Variants in CTNND2 observed in about 807,000 individuals in gnomAD.
The protein encoded by CTNND2 is catenin delta-2.
CTNND2 carries 22 observed loss-of-function variants against 144.4 expected under a neutral mutation model. That is an observed-to-expected ratio of 0.15 (90% CI 0.11 to 0.22). CTNND2 has a LOEUF of 0.22. Among genes scored for constraint, CTNND2 ranks in the 10% least tolerant of loss-of-function variants. The pLI is 1.00. For missense variants in CTNND2, 1,353 were observed against 1,618.8 expected (o/e 0.84, Z 2.82); for synonymous variants, 751 against 695.6 (o/e 1.08, Z -1.25).
chr5:11,150,468 C>G (rs569251813), intron 12 of CTNND2, among the ~76,000 whole-genome samples: 1 of 152,154 alleles, frequency 6.6e-6, no homozygotes, highest in Admixed American at 6.5e-5. Context: ...TTCAAATATT[C>G]TTGGTTAATT....
At chr5:11,836,170 C>G (rs1252396804) in intron 1 of CTNND2, among the ~76,000 whole-genome samples, 2 of 152,086 alleles carry the variant, frequency 1.3e-5, no homozygotes, top group African/African-American at 4.8e-5. Flanking sequence ...GTTGGTTGGG[C>G]CACGTCAAGA....
chr5:10,987,681 CCA>C, intron 20 of CTNND2, among the ~76,000 whole-genome samples: 1 of 132,692 alleles, frequency 7.5e-6, no homozygotes, highest in East Asian at 2.4e-4. Flanking sequence ...CCTCCCCTCC[CCA>C]CTCTATTCCC....
intron 2 of CTNND2, among the ~76,000 whole-genome samples, chr5:11,575,680 CGACTT>C (rs1777920662): frequency 6.6e-6 from 1 of 152,138 alleles, no homozygotes; most frequent in African/African-American, 2.4e-5. Flanking sequence ...ATCATGTACT[CGACTT>C]GACCTGGTAA....
chr5:11,860,973 T>C (rs1223966805), intron 1 of CTNND2, among the ~76,000 whole-genome samples: 1 of 152,240 alleles, frequency 6.6e-6, no homozygotes, highest in Non-Finnish European at 1.5e-5. Flanking sequence ...AATCTTTCTA[T>C]GGTAAGTATT....
chr5:11,359,812 G>A (rs771820791), intron 8 of CTNND2, among the ~76,000 whole-genome samples: 1 of 152,202 alleles, frequency 6.6e-6, no homozygotes, highest in Non-Finnish European at 1.5e-5. Flanking sequence ...GGAGGATGGA[G>A]AACCCCTTTA....
chr5:11,666,108 A>G (rs1783558418), intron 2 of CTNND2, among the ~76,000 whole-genome samples: 1 of 152,320 alleles, frequency 6.6e-6, no homozygotes, highest in Admixed American at 6.5e-5. Context: ...CCCCAAACCT[A>G]ACATTCAGTG....
intron 14 of CTNND2, among the ~76,000 whole-genome samples, chr5:11,105,951 C>T (rs182745676): frequency 1.3e-4 from 20 of 151,990 alleles, no homozygotes; most frequent in Admixed American, 1.2e-3. Context: ...TGATATTAAG[C>T]GGCAAAAGAA....
intron 16 of CTNND2, among the ~76,000 whole-genome samples, chr5:11,028,945 G>T (rs1743160240): frequency 6.6e-6 from 1 of 152,226 alleles, no homozygotes; most frequent in South Asian, 2.1e-4. Context: ...CTGGCCTCAA[G>T]TGATCTGCCC....
chr5:11,823,555 A>G (rs1275136104), intron 1 of CTNND2, among the ~76,000 whole-genome samples: 1 of 152,180 alleles, frequency 6.6e-6, no homozygotes, highest in Non-Finnish European at 1.5e-5. Flanking sequence ...TAAAACTTTC[A>G]GATTTTTAGC....
chr5:11,591,859 A>C (rs1250127566), intron 2 of CTNND2, among the ~76,000 whole-genome samples: 1 of 151,920 alleles, frequency 6.6e-6, no homozygotes, highest in Non-Finnish European at 1.5e-5. Context: ...CTTATTTTTG[A>C]ATTATGGCAA....
chr5:11,067,777 T>C (rs1747773138), intron 16 of CTNND2, among the ~76,000 whole-genome samples: 1 of 152,236 alleles, frequency 6.6e-6, no homozygotes, highest in Non-Finnish European at 1.5e-5. Context: ...TCCTCTTGAT[T>C]AAATTGGTCT....
At chr5:11,022,744 G>GAT in intron 17 of CTNND2, 25 bp downstream of exon 17, 1 of 1,593,592 alleles carries the variant, frequency 6.3e-7, no homozygotes, top group South Asian at 1.1e-5. Context: ...CCAGGACAGA[G>GAT]ATATGGCGTC....
intron 1 of CTNND2, among the ~76,000 whole-genome samples, chr5:11,897,863 C>T (rs370893787): frequency 1.3e-5 from 2 of 152,142 alleles, no homozygotes; most frequent in Non-Finnish European, 2.9e-5. Flanking sequence ...ATGGGGAACA[C>T]TTCTTCTCTA....
intron 9 of CTNND2, among the ~76,000 whole-genome samples, chr5:11,269,115 G>A (rs988201821): frequency 2.6e-5 from 4 of 152,330 alleles, no homozygotes; most frequent in African/African-American, 7.2e-5. Context: ...CTGTGAGACT[G>A]TGGGCAAGCT....
intron 9 of CTNND2, among the ~76,000 whole-genome samples, chr5:11,292,475 G>A (rs1232901511): frequency 6.6e-6 from 1 of 152,090 alleles, no homozygotes; most frequent in African/African-American, 2.4e-5. Flanking sequence ...AGGGCGGGAT[G>A]TGGTGGGAGG....
At chr5:11,659,329 A>G (rs945094885) in intron 2 of CTNND2, among the ~76,000 whole-genome samples, 1 of 152,162 alleles carries the variant, frequency 6.6e-6, no homozygotes, top group East Asian at 1.9e-4. Flanking sequence ...GAATTTTGGT[A>G]TCTGCAGGTC....
At chr5:11,139,664 G>T (rs1018998013) in intron 12 of CTNND2, among the ~76,000 whole-genome samples, 1 of 152,254 alleles carries the variant, frequency 6.6e-6, no homozygotes, top group Admixed American at 6.5e-5. Context: ...CTGCCTGGCT[G>T]TGTGGCTTCC....
At chr5:11,570,017 C>T (rs1777435539) in intron 2 of CTNND2, among the ~76,000 whole-genome samples, 1 of 152,212 alleles carries the variant, frequency 6.6e-6, no homozygotes, top group Non-Finnish European at 1.5e-5. Context: ...ACAAGATGCA[C>T]ATACTATTTT....
chr5:11,332,988 T>C (rs1753335053), intron 9 of CTNND2, among the ~76,000 whole-genome samples: 1 of 152,250 alleles, frequency 6.6e-6, no homozygotes, highest in Non-Finnish European at 1.5e-5. Flanking sequence ...CACGTGGAAC[T>C]GAGTCCATTA....
Sources: allele counts gnomAD v4.1 joint callset (sites outside exome capture counted in the v4.1 genomes callset), GRCh38; gene constraint gnomAD v4.1.1; transcripts MANE v1.5; gene names NCBI Gene and HGNC (gene_info 2026-07-23, HGNC 2026-07-21).